The following FAM50B variants were observed in gnomAD, a reference collection of about 807,000 sequenced individuals.
FAM50B encodes the protein family with sequence similarity 50 member B.
Under a neutral mutation model 25.4 loss-of-function variants are expected in FAM50B, and 9 were observed. The observed-to-expected ratio is 0.35, with a 90% CI of 0.21 to 0.62. The LOEUF (loss-of-function observed/expected upper bound fraction) is 0.62. Ranked by LOEUF, FAM50B falls within the 20% of genes least tolerant of loss-of-function variation. FAM50B has a pLI of 0.73. For synonymous variants in FAM50B, 212 were observed against 204.3 expected, an observed-to-expected ratio of 1.04 and a Z score of -0.32; for missense variants, 372 against 477.9, an observed-to-expected ratio of 0.78 and a Z score of 2.07.
At chr6:3,844,643 G>A (rs1762101342), upstream of FAM50B, among the ~76,000 whole-genome samples, 1 of 152,084 alleles carries the variant, frequency 6.6e-6, no homozygotes, top group South Asian at 2.1e-4. Flanking sequence ...CCCAGCCGGC[G>A]GAGGTTGCAG....
rs781281732 is a variant in FAM50B, at chr6:3,850,273, AGACCGC to A, written c.471_476del (p.Asp157_Arg158del). 1.2e-5 allele frequency: 20 copies of A among 1,612,980 alleles called. No individual in the cohort carries two copies. The South Asian group carries it at 1.3e-4, about 11-fold the overall frequency. ...CCGACGTGGACACCAGCTTCCTGCC[AGACCGC>A]GACCGCGAGGAGGAGGAGAACCGGC... On this transcript the variant is annotated inframe_deletion, in exon 2 of 2. Transcript: ENST00000648326.
chr6:3,849,601 A>G, intron 1 of FAM50B, 115 bp downstream of exon 1: 1 of 823,286 alleles, frequency 1.2e-6, no homozygotes, highest in Non-Finnish European at 1.8e-6. Flanking sequence ...GCATTTATTG[A>G]GGTCAAATAA....
rs766522202 is a variant in FAM50B at position 3,850,499 on chromosome 6, G to A, written c.688G>A (p.Ala230Thr). The A allele has an allele frequency of 4.3e-6, 7 of 1,613,538 alleles. No homozygotes were observed. Among genetic ancestry groups the A allele is most frequent in the Admixed American group, 1.7e-5 (1 of 60,014 alleles). ...LRKDFLELRS[A>T]GVEQLMFIKE... is the part of the protein sequence containing the mutation. ...CAAGGACTTCCTGGAGCTGCGCTCC[G>A]CCGGCGTGGAGCAGCTCATGTTCAT... Residue 230 changes from alanine to threonine, a missense_variant, in exon 2 of 2, where the codon GCC (alanine) becomes ACC (threonine). By Grantham distance (58) the Ala-to-Thr change is moderately conservative (BLOSUM62 0). This residue lies in a region of FAM50B where 224 missense variants were observed against 232.2 expected (regional missense o/e 0.96). Transcript: ENST00000648326.
the FAM50B span, chr6:3,833,548 T>A: frequency 6.6e-6 from 1 of 152,248 alleles, no homozygotes; most frequent in Non-Finnish European, 1.5e-5. Flanking sequence ...TCCTGTGTTT[T>A]ACCACCATTC....
At chr6:3,841,236 G>A in the FAM50B span, among the ~76,000 whole-genome samples, 1 of 152,212 alleles carries the variant, frequency 6.6e-6, no homozygotes, top group Non-Finnish European at 1.5e-5. Context: ...AACCCTAAAA[G>A]TGATGAGCCA....
upstream of FAM50B, among the ~76,000 whole-genome samples, chr6:3,845,788 C>T (rs1025545586): frequency 6.6e-6 from 1 of 152,166 alleles, no homozygotes; most frequent in Non-Finnish European, 1.5e-5. Flanking sequence ...GATCTTGGCT[C>T]ACTGCAACCT....
chr6:3,840,419 GC>G, the FAM50B span, among the ~76,000 whole-genome samples: 1 of 151,710 alleles, frequency 6.6e-6, no homozygotes, highest in Admixed American at 6.6e-5. Flanking sequence ...GTTGCAGTGA[GC>G]CGAGATCACG....
At chr6:3,842,409 C>T in the FAM50B span, among the ~76,000 whole-genome samples, 63 of 152,324 alleles carry the variant, frequency 4.1e-4, no homozygotes, top group Non-Finnish European at 8.5e-4. Context: ...TCATCTTCTA[C>T]GTTCCTTTAA....
chr6:3,840,332 G>C, the FAM50B span, among the ~76,000 whole-genome samples: 1 of 152,018 alleles, frequency 6.6e-6, no homozygotes, highest in African/African-American at 2.4e-5. Context: ...AATTAGCTGG[G>C]CATGGTGGGG....
At chr6:3,840,363 C>T in the FAM50B span, among the ~76,000 whole-genome samples, 1 of 152,090 alleles carries the variant, frequency 6.6e-6, no homozygotes, top group East Asian at 1.9e-4. Context: ...ATCCCAGCTA[C>T]CCGGGAGACT....
chr6:3,847,633 A>C (rs371907389), upstream of FAM50B, among the ~76,000 whole-genome samples: 1 of 152,332 alleles, frequency 6.6e-6, no homozygotes, highest in East Asian at 1.9e-4. Context: ...CTTATCATTC[A>C]TATGTTTACC....
the FAM50B span, among the ~76,000 whole-genome samples, chr6:3,837,223 C>T: frequency 1.3e-5 from 2 of 151,886 alleles, no homozygotes; most frequent in South Asian, 2.1e-4. Flanking sequence ...AATGAGCAAC[C>T]GATAAATTGA....
the FAM50B span, among the ~76,000 whole-genome samples, chr6:3,834,941 G>A: frequency 6.6e-6 from 1 of 152,292 alleles, no homozygotes; most frequent in African/African-American, 2.4e-5. Flanking sequence ...TATCTTTCAG[G>A]TGTAGAACTG....
the FAM50B span, among the ~76,000 whole-genome samples, chr6:3,843,131 A>C: frequency 6.6e-6 from 1 of 152,242 alleles, no homozygotes; most frequent in African/African-American, 2.4e-5. Flanking sequence ...TCTTCTTCAA[A>C]TGACCTGGCC....
At chr6:3,836,517 C>T in the FAM50B span, among the ~76,000 whole-genome samples, 3 of 152,220 alleles carry the variant, frequency 2.0e-5, no homozygotes, top group African/African-American at 7.2e-5. Flanking sequence ...ATCTAGCAGA[C>T]ACCAAGACCC....
the FAM50B span, among the ~76,000 whole-genome samples, chr6:3,838,874 A>T: frequency 6.6e-6 from 1 of 151,642 alleles, no homozygotes; most frequent in African/African-American, 2.4e-5. Context: ...ACACACAAGA[A>T]AAAAAAGAAT....
At chr6:3,834,647 TTA>T in the FAM50B span, among the ~76,000 whole-genome samples, 4 of 152,144 alleles carry the variant, frequency 2.6e-5, no homozygotes, top group African/African-American at 4.8e-5. Flanking sequence ...ACTATAAGAA[TTA>T]TCTCACAGAG....
chr6:3,844,441 T>G (rs1042716582), upstream of FAM50B, among the ~76,000 whole-genome samples: 2 of 152,192 alleles, frequency 1.3e-5, no homozygotes, highest in South Asian at 4.1e-4. Context: ...CCGGGCGAGG[T>G]GGCTCACGCC....
At chr6:3,838,340 T>A in the FAM50B span, among the ~76,000 whole-genome samples, 3 of 151,662 alleles carry the variant, frequency 2.0e-5, no homozygotes, top group African/African-American at 7.3e-5. Context: ...AAAGAAAAAC[T>A]GGAAAGAATG....
Sources: gnomAD v4.1 joint callset for allele counts (sites outside exome capture counted in the v4.1 genomes callset) on GRCh38, gnomAD v4.1.1 for gene constraint, gnomAD v4.1.1 regional missense constraint, MANE v1.5 for transcripts, NCBI Gene and HGNC (gene_info 2026-07-23, HGNC 2026-07-21) for gene names.